MACROD2: variants seen among roughly 807,000 people sequenced by gnomAD.
The protein encoded by MACROD2 is ADP-ribose glycohydrolase MACROD2.
In MACROD2, 36 loss-of-function variants were observed where a neutral mutation model predicts 70.4. That is an observed-to-expected ratio of 0.51 (90% CI 0.39 to 0.68). MACROD2 has a LOEUF of 0.68. MACROD2 is among the 30% of genes least tolerant of loss of function. The pLI is 0.00. For synonymous variants in MACROD2, 172 were observed against 178.8 expected, an observed-to-expected ratio of 0.96 and a Z score of 0.30; for missense variants, 496 against 538.4, an observed-to-expected ratio of 0.92 and a Z score of 0.78.
intron 3 of MACROD2, among the ~76,000 whole-genome samples, chr20:14,122,645 A>G (rs1037690566): frequency 4.6e-5 from 7 of 152,188 alleles, no homozygotes; most frequent in Non-Finnish European, 8.8e-5. Flanking sequence ...CAGAACGAAT[A>G]TTTGAAAATT....
intron 2 of MACROD2, among the ~76,000 whole-genome samples, chr20:14,014,464 G>A (rs1028511522): frequency 6.6e-6 from 1 of 152,164 alleles, no homozygotes; most frequent in Non-Finnish European, 1.5e-5. Flanking sequence ...GATTGCCGAT[G>A]AAATAAGTAA....
chr20:14,727,432 G>C (rs949285572), intron 5 of MACROD2, among the ~76,000 whole-genome samples: 3 of 152,064 alleles, frequency 2.0e-5, no homozygotes, highest in Non-Finnish European at 4.4e-5. Context: ...CTACTTGGGA[G>C]GCTGAGGTAG....
At chr20:15,377,812 A>G (rs1035017256) in intron 6 of MACROD2, among the ~76,000 whole-genome samples, 2 of 152,266 alleles carry the variant, frequency 1.3e-5, no homozygotes, top group African/African-American at 4.8e-5. Context: ...CGCATGTGGT[A>G]TCATTAGTCA....
At chr20:14,045,569 A>T (rs2053460952) in intron 2 of MACROD2, among the ~76,000 whole-genome samples, 1 of 152,212 alleles carries the variant, frequency 6.6e-6, no homozygotes, top group East Asian at 1.9e-4. Flanking sequence ...CTTCAGAGGG[A>T]TGCTCCTTCA....
chr20:14,722,289 T>C (rs1395886712), intron 5 of MACROD2, among the ~76,000 whole-genome samples: 1 of 152,116 alleles, frequency 6.6e-6, no homozygotes, highest in East Asian at 1.9e-4. Context: ...TATAGTCCAC[T>C]CCTAGTGGGA....
At chr20:15,260,855 T>C (rs2077243300) in intron 6 of MACROD2, among the ~76,000 whole-genome samples, 1 of 152,076 alleles carries the variant, frequency 6.6e-6, no homozygotes. Context: ...TCCATTTTTC[T>C]CTTTGATATT....
chr20:15,353,942 C>T (rs1271541683), intron 6 of MACROD2, among the ~76,000 whole-genome samples: 15 of 135,392 alleles, frequency 1.1e-4, no homozygotes, highest in South Asian at 2.6e-4. Flanking sequence ...GTCAGTGTGG[C>T]GATTCCTCAG....
intron 3 of MACROD2, among the ~76,000 whole-genome samples, chr20:14,406,568 A>G (rs1412911302): frequency 6.6e-6 from 1 of 152,138 alleles, no homozygotes; most frequent in Non-Finnish European, 1.5e-5. Context: ...AACTTCTGCA[A>G]CTTTTCCCCC....
intron 6 of MACROD2, among the ~76,000 whole-genome samples, chr20:15,363,715 C>T (rs1216670199): frequency 1.3e-5 from 2 of 152,002 alleles, no homozygotes; most frequent in Admixed American, 6.6e-5. Context: ...GACCCACAGA[C>T]TCATTTGGGA....
intron 5 of MACROD2, among the ~76,000 whole-genome samples, chr20:14,883,117 C>T (rs146027064): frequency 4.9e-4 from 74 of 152,132 alleles, no homozygotes; most frequent in African/African-American, 1.6e-3. Flanking sequence ...TTTTAAATAC[C>T]ACAAAGGAGT....
intron 5 of MACROD2, among the ~76,000 whole-genome samples, chr20:15,081,818 ATACTTAG>A (rs1333365939): frequency 3.9e-5 from 6 of 152,224 alleles, no homozygotes; most frequent in African/African-American, 1.2e-4. Flanking sequence ...TAAGTTATAC[ATACTTAG>A]TTTACTAGAA....
intron 8 of MACROD2, among the ~76,000 whole-genome samples, chr20:15,801,814 G>A (rs76839284): frequency 0.038 from 5,791 of 152,128 alleles, 414 homozygotes; most frequent in African/African-American, 0.13. Flanking sequence ...TATTATATCA[G>A]TTCTTCTGAT....
rs181805146 is a variant in MACROD2, at chr20:14,596,145, G to A, written c.302-88698G>A. On this transcript the variant is annotated intron_variant, in intron 4 of 17. Coordinates refer to ENST00000684519, the MANE Select transcript of MACROD2 (RefSeq NM_001351661.2). ...CTGTGGCCCAGGCTGGAGTGCAGTG[G>A]CACGATCTCGGCTCACTGCAAGCTC... 6.7e-3 allele frequency among the ~76,000 whole-genome samples: 1,009 copies of A among 151,580 alleles called. 11 individuals carry two copies. The highest frequency in any genetic ancestry group is 0.023 in the African/African-American group (935 of 41,430).
intron 5 of MACROD2, among the ~76,000 whole-genome samples, chr20:15,117,174 C>T (rs573557784): frequency 6.6e-5 from 10 of 151,712 alleles, no homozygotes; most frequent in South Asian, 2.1e-4. Context: ...TGAGAGTGGA[C>T]GAATCATGGT....
intron 3 of MACROD2, among the ~76,000 whole-genome samples, chr20:14,158,666 G>A (rs1190397161): frequency 6.6e-6 from 1 of 152,070 alleles, no homozygotes; most frequent in Non-Finnish European, 1.5e-5. Flanking sequence ...TGAAGAGGGT[G>A]TCCTTTCCCA....
intron 8 of MACROD2, among the ~76,000 whole-genome samples, chr20:15,831,389 T>C (rs990528626): frequency 3.3e-5 from 5 of 152,194 alleles, no homozygotes; most frequent in African/African-American, 9.6e-5. Flanking sequence ...AACTAACTCA[T>C]GAAACCTGAA....
At chr20:15,596,754 G>A (rs556663308) in intron 8 of MACROD2, among the ~76,000 whole-genome samples, 20 of 152,116 alleles carry the variant, frequency 1.3e-4, no homozygotes, top group Admixed American at 2.6e-4. Context: ...TTATGAGGCC[G>A]GAGCACTCCT....
chr20:15,629,351 T>G (rs1218835772), intron 8 of MACROD2, among the ~76,000 whole-genome samples: 1 of 152,222 alleles, frequency 6.6e-6, no homozygotes, highest in Non-Finnish European at 1.5e-5. Context: ...TGAGGGCGTC[T>G]CTCTCCCACT....
chr20:15,117,588 C>T (rs2076000395), intron 5 of MACROD2, among the ~76,000 whole-genome samples: 1 of 152,152 alleles, frequency 6.6e-6, no homozygotes, highest in South Asian at 2.1e-4. Context: ...TCTCCCATTC[C>T]AATTTTCCAG....
Sources: allele counts gnomAD v4.1 joint callset (sites outside exome capture counted in the v4.1 genomes callset), GRCh38; gene constraint gnomAD v4.1.1; transcripts MANE v1.5; gene names NCBI Gene and HGNC (gene_info 2026-07-23, HGNC 2026-07-21).